The following LRPPRC variants were observed in gnomAD, a reference collection of about 807,000 sequenced individuals.
LRPPRC encodes leucine rich pentatricopeptide repeat containing.
LRPPRC carries 120 observed loss-of-function variants against 180.3 expected under a neutral mutation model. That is an observed-to-expected ratio of 0.67 (90% CI 0.57 to 0.77). The LOEUF (loss-of-function observed/expected upper bound fraction) is 0.77. Among genes scored for constraint, LRPPRC ranks in the 30% least tolerant of loss-of-function variants. LRPPRC has a pLI of 0.00. For missense variants in LRPPRC, 2,012 were observed against 1,657.2 expected (o/e 1.21, Z -3.72); for synonymous variants, 723 against 600.0 (o/e 1.21, Z -3.00).
chr2:43,928,895 A>G (rs1388802333), intron 25 of LRPPRC, among the ~76,000 whole-genome samples: 2 of 152,176 alleles, frequency 1.3e-5, no homozygotes, highest in Non-Finnish European at 2.9e-5. Flanking sequence ...TTAATTTCCC[A>G]AAGACTGAAC....
In LRPPRC at chr2:43,905,705, C is replaced by T. The variant is rs141388156; in HGVS notation, c.3351G>A (p.Arg1117=). The T allele has an allele frequency of 1.1e-5, 18 of 1,613,042 alleles. No homozygotes were observed. In the African/African-American group the frequency reaches 2.4e-4, roughly 22 times the overall value. The change falls in exon 31 of 38, where the codon CGG becomes CGA. Residue 1117 remains arginine, a synonymous_variant. Coordinates refer to ENST00000260665, the MANE Select transcript of LRPPRC (RefSeq NM_133259.4). ...ATTGTGACATACCTTTCAAATAATC[C>T]CGCCTAACTTGCGTTATGATGAGGC... is the stretch of plus-strand genomic sequence containing the variant. The part of the protein sequence containing the change: ...NSRLIITQVR[R]DYLKEAVTTL...
intron 11 of LRPPRC, among the ~76,000 whole-genome samples, chr2:43,969,022 G>A (rs939228325): frequency 6.6e-6 from 1 of 152,196 alleles, no homozygotes; most frequent in African/African-American, 2.4e-5. Flanking sequence ...TATATAGTTT[G>A]TGTCAATTTT....
intron 3 of LRPPRC, among the ~76,000 whole-genome samples, chr2:43,977,813 G>T (rs1238105091): frequency 6.6e-6 from 1 of 152,004 alleles, no homozygotes; most frequent in Non-Finnish European, 1.5e-5. Context: ...TATCCCTACT[G>T]TTTAGGGCCA....
chr2:43,891,973 T>C (rs1352452168), intron 36 of LRPPRC, among the ~76,000 whole-genome samples: 3 of 152,242 alleles, frequency 2.0e-5, no homozygotes, highest in Non-Finnish European at 4.4e-5. Context: ...GAAAGTTTTA[T>C]TGGTCCGGAT....
At chr2:43,971,672 A>C (rs894311780) in intron 11 of LRPPRC, among the ~76,000 whole-genome samples, 1 of 151,938 alleles carries the variant, frequency 6.6e-6, no homozygotes, top group African/African-American at 2.4e-5. Context: ...CACTGCAGTC[A>C]CTTTCTTCTG....
intron 14 of LRPPRC, among the ~76,000 whole-genome samples, chr2:43,956,580 G>A (rs72879109): frequency 6.7e-6 from 1 of 149,294 alleles, no homozygotes; most frequent in Admixed American, 6.7e-5. Context: ...ATTAACAACT[G>A]GCAAATCTAC....
At position 43,934,870 on chromosome 2, in the gene LRPPRC, A is replaced by G. The variant is rs1443994613; in HGVS notation, c.2513T>C (p.Leu838Pro). 5 of 1,612,548 alleles carry G rather than the reference A, an allele frequency of 3.1e-6. No individual in the cohort carries two copies. Among genetic ancestry groups the G allele is most frequent in the Admixed American group, 1.7e-5 (1 of 59,944 alleles). The change falls in exon 24 of 38, where the codon CTA becomes CCA. Residue 838 changes from leucine (L) to proline (P), a missense_variant. By Grantham distance (98) the Leu-to-Pro change is moderately conservative. Transcript: ENST00000260665. Reference sequence around the variant, plus strand: ...AATGGCGACCTCAAGAGCAGTAGATAGGTCGCCCCTTAGAAACAAAAAAAT... The same window carrying G: ...AATGGCGACCTCAAGAGCAGTAGATGGGTCGCCCCTTAGAAACAAAAAAAT... ...LVTVHLEKGD[L>P]STALEVAIDC... is the part of the protein sequence containing the mutation.
At chr2:43,996,138 A>G (rs754924369), upstream of LRPPRC, 12 of 544,952 alleles carry the variant, frequency 2.2e-5, no homozygotes, top group Non-Finnish European at 3.9e-5. Context: ...TGTAATATTT[A>G]CATAAACGAT....
chr2:43,916,697 C>G (rs1671480254), intron 29 of LRPPRC, among the ~76,000 whole-genome samples: 1 of 152,028 alleles, frequency 6.6e-6, no homozygotes, highest in Non-Finnish European at 1.5e-5. Context: ...CTCATACCAG[C>G]AATCCCAACA....
At chr2:43,949,258 G>C (rs139125783) in intron 16 of LRPPRC, among the ~76,000 whole-genome samples, 1 of 152,016 alleles carries the variant, frequency 6.6e-6, no homozygotes, top group Non-Finnish European at 1.5e-5. Context: ...AAGAACCTTC[G>C]CTACATTTTA....
intron 2 of LRPPRC, among the ~76,000 whole-genome samples, chr2:43,981,287 T>C (rs1674296583): frequency 6.6e-6 from 1 of 152,140 alleles, no homozygotes; most frequent in South Asian, 2.1e-4. Context: ...AAAAACTAGT[T>C]ATCTTCCAAG....
rs1371710103 is a variant in LRPPRC at position 43,977,021 on chromosome 2, C to T, written c.623G>A (p.Cys208Tyr). Reference protein sequence around the residue: ...VTYQRLIASYCNVGDIEGASK... With the variant: ...VTYQRLIASYYNVGDIEGASK... ...GGCACCTTCAATATCTCCTACATTA[C>T]AATAAGAAGCAATCAATCTCTGGTA... The change falls in exon 5 of 38, where the codon TGT (cysteine) becomes TAT (tyrosine). Residue 208 changes from cysteine to tyrosine, a missense_variant. By Grantham distance (194) the Cys-to-Tyr change is radical. Transcript: ENST00000260665. 2 of 1,613,368 alleles carry T rather than the reference C, an allele frequency of 1.2e-6. No homozygotes were observed. The highest frequency in any genetic ancestry group is 1.7e-6 in the Non-Finnish European group (2 of 1,179,528).
chr2:43,943,543 C>T, intron 23 of LRPPRC, 144 bp downstream of exon 23: 2 of 690,350 alleles, frequency 2.9e-6, no homozygotes, highest in African/African-American at 1.8e-5. Context: ...TAAAGGTCAC[C>T]TAGTTCATAT....
intron 11 of LRPPRC, among the ~76,000 whole-genome samples, chr2:43,972,008 C>G (rs1172477522): frequency 6.6e-6 from 1 of 152,028 alleles, no homozygotes; most frequent in Non-Finnish European, 1.5e-5. Context: ...CAATGTTATT[C>G]GTGTAAAAAC....
At chr2:43,971,472 G>C (rs1273890895) in intron 11 of LRPPRC, among the ~76,000 whole-genome samples, 1 of 47,608 alleles carries the variant, frequency 2.1e-5, no homozygotes, top group Non-Finnish European at 4.1e-5. Flanking sequence ...GACCTCCTGA[G>C]GCTGTGTCAC....
intron 19 of LRPPRC, 107 bp from the exon 20 acceptor site, chr2:43,947,477 T>A (rs1558990076): frequency 1.4e-6 from 1 of 693,508 alleles, no homozygotes; most frequent in Non-Finnish European, 2.6e-6. Flanking sequence ...TTCCTAAATG[T>A]CATAAATGCT....
chr2:43,932,412 T>C (rs1672124612), intron 25 of LRPPRC, among the ~76,000 whole-genome samples: 1 of 152,080 alleles, frequency 6.6e-6, no homozygotes, highest in African/African-American at 2.4e-5. Context: ...ATAAAAATGT[T>C]GCTCATGACT....
chr2:43,948,414 T>C lies in LRPPRC; in HGVS notation c.1840A>G (p.Met614Val), dbSNP rs1458029415. 2.5e-6 allele frequency: 4 copies of C among 1,601,616 alleles called. No individual in the cohort carries two copies. Among genetic ancestry groups the C allele is most frequent in the Admixed American group, 3.3e-5 (2 of 59,980 alleles). Residue 614 changes from methionine to valine, a missense_variant and splice_region_variant, in exon 17 of 38, where the codon ATG becomes GTG. Physicochemically the swap from Met to Val is conservative, Grantham distance 21. Coordinates refer to ENST00000260665, the MANE Select transcript of LRPPRC (RefSeq NM_133259.4). ...LRQYFHQLEK[M>V]NVKIPENIYR... ...TATAGCAAAAAACGAAATGGTACCA[T>C]CTTCTCCAGCTGATGGAAGTATTGT...
chr2:43,995,242 T>C (rs1338203669), intron 1 of LRPPRC, among the ~76,000 whole-genome samples: 1 of 152,164 alleles, frequency 6.6e-6, no homozygotes, highest in Non-Finnish European at 1.5e-5. Flanking sequence ...TCTTAAATGC[T>C]GAAGGAAAAC....
Sources: gnomAD v4.1 joint callset for allele counts (sites outside exome capture counted in the v4.1 genomes callset) on GRCh38, gnomAD v4.1.1 for gene constraint, MANE v1.5 for transcripts, NCBI Gene and HGNC (gene_info 2026-07-23, HGNC 2026-07-21) for gene names.